Variants in PDE4D observed in about 807,000 individuals in gnomAD.
PDE4D encodes the protein phosphodiesterase 4D.
In PDE4D, 24 loss-of-function variants were observed where a neutral mutation model predicts 87.4. That is an observed-to-expected ratio of 0.27 (90% CI 0.20 to 0.39). The LOEUF (loss-of-function observed/expected upper bound fraction) is 0.39, where lower values mean the gene tolerates loss of function less well. Among genes scored for constraint, PDE4D ranks in the 10% least tolerant of loss-of-function variants. The probability of loss-of-function intolerance (pLI) is 1.00; values close to 1 mark genes in which losing one functional copy is unlikely to be tolerated. For missense variants in PDE4D, 714 were observed against 1,041.0 expected (o/e 0.69, Z 4.32); for synonymous variants, 384 against 383.2 (o/e 1.00, Z -0.02).
intron 1 of PDE4D, among the ~76,000 whole-genome samples, chr5:59,535,284 C>T (rs2153681551): frequency 6.6e-6 from 1 of 152,146 alleles, no homozygotes; most frequent in Non-Finnish European, 1.5e-5. Context: ...GGGTCCTGTC[C>T]CCAGAAAGTC....
chr5:59,167,932 C>G (rs1782152357), intron 5 of PDE4D, among the ~76,000 whole-genome samples: 1 of 152,036 alleles, frequency 6.6e-6, no homozygotes, highest in Admixed American at 6.6e-5. Flanking sequence ...TCTATGTGGA[C>G]AGTTCTGTGT....
At chr5:59,142,423 C>G (rs561047551) in intron 5 of PDE4D, among the ~76,000 whole-genome samples, 3 of 152,202 alleles carry the variant, frequency 2.0e-5, no homozygotes, top group African/African-American at 7.2e-5. Context: ...CCCAACACTA[C>G]GTATTATTCC....
At position 59,427,337 on chromosome 5, in the gene PDE4D, A is replaced by ACACG. The variant is rs1279562334; in HGVS notation, c.456-211370_456-211369insCGTG. On this transcript the variant is annotated intron_variant, in intron 1 of 14. Transcript: ENST00000340635. ...CACACACACACACACACACACACAC[A>ACACG]CGCCCCTATGCCAAAATATGTACCA... 6.6e-5 allele frequency among the ~76,000 whole-genome samples: 9 copies of ACACG among 135,666 alleles called. No individual in the cohort carries two copies. The South Asian group carries it at 8.8e-4, about 13-fold the overall frequency. 89.0% of individuals were successfully genotyped at this position (135,666 alleles called of 152,430 possible).
intron 1 of PDE4D, among the ~76,000 whole-genome samples, chr5:59,495,960 T>C (rs1462153485): frequency 6.6e-6 from 1 of 152,176 alleles, no homozygotes; most frequent in Admixed American, 6.5e-5. Flanking sequence ...ACCAGCTCAA[T>C]TAGACCCTCC....
intron 1 of PDE4D, among the ~76,000 whole-genome samples, chr5:60,375,734 A>G (rs1761377724): frequency 6.6e-6 from 1 of 152,148 alleles, no homozygotes; most frequent in South Asian, 2.1e-4. Context: ...TGTATCTAAT[A>G]TCATTTCTTT....
In PDE4D at chr5:60,354,839, G is replaced by A. The variant is rs189939911; in HGVS notation, c.-90+133103C>T. Reference sequence around the variant, plus strand: ...TTCTGTTGGACACTGAAATTAATACGCTTGATAATAAATCACTAGAGAAAA... The same window carrying A: ...TTCTGTTGGACACTGAAATTAATACACTTGATAATAAATCACTAGAGAAAA... On this transcript the variant is annotated intron_variant, in intron 1 of 16. Transcript: ENST00000502484. Among the ~76,000 whole-genome samples the A allele has an allele frequency of 3.1e-3, 477 of 152,126 alleles. 7 individuals carry two copies. The highest frequency in any genetic ancestry group is 0.014 in the Middle Eastern group (4 of 294).
At chr5:59,718,461 C>T (rs144419687) in intron 1 of PDE4D, among the ~76,000 whole-genome samples, 115 of 152,248 alleles carry the variant, frequency 7.6e-4, no homozygotes, top group African/African-American at 2.7e-3. Context: ...CAGACATTTG[C>T]TTAAGTAAGG....
chr5:59,446,588 A>T lies in PDE4D; in HGVS notation c.456-230620T>A, dbSNP rs891837789. Among the ~76,000 whole-genome samples the T allele has an allele frequency of 2.0e-5, 3 of 152,238 alleles. No homozygotes were observed. The South Asian group carries it at 6.2e-4, about 32-fold the overall frequency. ...AACTAGATAAACCTTCAACAGATGGAGATTTGTCATCAATGAATTTCAAAA... is the reference window on the plus strand; with the variant it reads ...AACTAGATAAACCTTCAACAGATGGTGATTTGTCATCAATGAATTTCAAAA... On this transcript the variant is annotated intron_variant, in intron 1 of 14. Coordinates refer to ENST00000340635, the MANE Select transcript of PDE4D (RefSeq NM_001104631.2).
At chr5:60,456,776 C>G (rs566602003) in intron 1 of PDE4D, among the ~76,000 whole-genome samples, 1 of 152,122 alleles carries the variant, frequency 6.6e-6, no homozygotes, top group Admixed American at 6.6e-5. Context: ...TGAGCCTCCC[C>G]TCTTGTTCTC....
At chr5:59,600,560 G>C (rs549580719) in intron 1 of PDE4D, among the ~76,000 whole-genome samples, 1 of 152,272 alleles carries the variant, frequency 6.6e-6, no homozygotes, top group African/African-American at 2.4e-5. Context: ...GGGGGCTCCA[G>C]ACTTGCAACC....
intron 1 of PDE4D, among the ~76,000 whole-genome samples, chr5:59,456,641 A>G (rs1012765984): frequency 2.7e-4 from 41 of 152,198 alleles, no homozygotes; most frequent in African/African-American, 9.4e-4. Context: ...GCTACTTTCT[A>G]CAGTGATTCT....
At chr5:59,175,560 C>A (rs566471619) in intron 5 of PDE4D, among the ~76,000 whole-genome samples, 26 of 147,730 alleles carry the variant, frequency 1.8e-4, no homozygotes, top group Non-Finnish European at 3.3e-4. Flanking sequence ...CGGCTCACTG[C>A]AACCTCCGCC....
chr5:59,428,877 C>G (rs1329468120), intron 1 of PDE4D, among the ~76,000 whole-genome samples: 1 of 152,000 alleles, frequency 6.6e-6, no homozygotes, highest in Non-Finnish European at 1.5e-5. Flanking sequence ...GTAATGTATT[C>G]TACTGAAAGA....
chr5:60,023,761 T>C (rs1262611325), intron 2 of PDE4D, among the ~76,000 whole-genome samples: 2 of 152,164 alleles, frequency 1.3e-5, no homozygotes, highest in East Asian at 1.9e-4. Context: ...CTTCATGTTT[T>C]AAGTCCTGTA....
chr5:59,094,799 G>T (rs1367178270), intron 5 of PDE4D, among the ~76,000 whole-genome samples: 3 of 152,084 alleles, frequency 2.0e-5, no homozygotes, highest in Non-Finnish European at 4.4e-5. Context: ...ATATAGAAAA[G>T]ATTTCTGAAC....
At chr5:59,287,972 T>C (rs79511864) in intron 1 of PDE4D, among the ~76,000 whole-genome samples, 2,201 of 152,048 alleles carry the variant, frequency 0.014, 31 homozygotes, top group Middle Eastern at 0.027. Context: ...TCTTCAAGCA[T>C]CTGGAAAGCC....
intron 3 of PDE4D, among the ~76,000 whole-genome samples, chr5:59,983,509 C>G (rs762794351): frequency 1.3e-5 from 2 of 151,952 alleles, no homozygotes; most frequent in Non-Finnish European, 2.9e-5. Flanking sequence ...TACAAAGAGC[C>G]CTCAGAAATC....
At chr5:59,755,843 T>C (rs1462335217) in intron 1 of PDE4D, among the ~76,000 whole-genome samples, 4 of 151,230 alleles carry the variant, frequency 2.6e-5, no homozygotes, top group Admixed American at 2.0e-4. Context: ...AAATGTGAAA[T>C]TAGCCATGTA....
intron 1 of PDE4D, among the ~76,000 whole-genome samples, chr5:59,707,881 C>T (rs535194477): frequency 6.6e-6 from 1 of 152,258 alleles, no homozygotes; most frequent in South Asian, 2.1e-4. Flanking sequence ...TGGGTTGATT[C>T]CATGCCTTGC....
Sources: gnomAD v4.1 joint callset for allele counts (sites outside exome capture counted in the v4.1 genomes callset) on GRCh38, gnomAD v4.1.1 for gene constraint, MANE v1.5 for transcripts, NCBI Gene and HGNC (gene_info 2026-07-23, HGNC 2026-07-21) for gene names.